Variants in COL25A1 observed in about 807,000 individuals in gnomAD.
COL25A1 encodes collagen alpha-1(XXV) chain.
COL25A1 carries 103 observed loss-of-function variants against 128.4 expected under a neutral mutation model. That is an observed-to-expected ratio of 0.80 (90% CI 0.68 to 0.94). The LOEUF is 0.94. Ranked by LOEUF, COL25A1 falls within the 40% of genes least tolerant of loss-of-function variation. The pLI is 0.00. For missense variants in COL25A1, 745 were observed against 840.0 expected (o/e 0.89, Z 1.40); for synonymous variants, 279 against 277.2 (o/e 1.01, Z -0.06).
chr4:108,913,865 T>G (rs928962784), intron 13 of COL25A1, among the ~76,000 whole-genome samples: 39 of 152,218 alleles, frequency 2.6e-4, no homozygotes, highest in African/African-American at 8.9e-4. Context: ...TAGGAACTAA[T>G]TGACCAATAT....
chr4:109,296,506 A>G (rs1458522788), intron 3 of COL25A1, among the ~76,000 whole-genome samples: 3 of 152,046 alleles, frequency 2.0e-5, no homozygotes, highest in African/African-American at 7.2e-5. Flanking sequence ...TGCCTTGTAC[A>G]TCAACATTTT....
chr4:109,145,067 C>CTTTT (rs11344199), intron 3 of COL25A1, among the ~76,000 whole-genome samples: 1 of 109,160 alleles, frequency 9.2e-6, no homozygotes, highest in Admixed American at 9.6e-5. Flanking sequence ...AAAACCTCAG[C>CTTTT]TTTTTTTTTT....
intron 3 of COL25A1, among the ~76,000 whole-genome samples, chr4:109,292,739 C>T (rs1724593986): frequency 6.6e-6 from 1 of 152,084 alleles, no homozygotes; most frequent in South Asian, 2.1e-4. Flanking sequence ...ACAAAAGTCA[C>T]TGGATCCTTG....
chr4:109,068,671 C>T (rs1481506257), intron 3 of COL25A1, among the ~76,000 whole-genome samples: 1 of 152,144 alleles, frequency 6.6e-6, no homozygotes, highest in African/African-American at 2.4e-5. Flanking sequence ...TCTATCACCA[C>T]TAAATATGTG....
chr4:109,275,233 A>G (rs190674476), intron 3 of COL25A1, among the ~76,000 whole-genome samples: 8 of 152,236 alleles, frequency 5.3e-5, no homozygotes, highest in Non-Finnish European at 4.4e-5. Context: ...TGCTGGGTCT[A>G]TTGTGTATTG....
At position 108,949,013 on chromosome 4, in the gene COL25A1, G is replaced by C. The variant is rs2881015; in HGVS notation, c.493-7576C>G. 2.6e-5 allele frequency among the ~76,000 whole-genome samples: 4 copies of C among 151,932 alleles called. No homozygotes were observed. The South Asian group carries it at 8.3e-4, about 32-fold the overall frequency. On this transcript the variant is annotated intron_variant, in intron 8 of 37. Transcript: ENST00000399132. ...CCCTAATGACATACACCTAAGAAAA[G>C]CCAACAGAAGATGAGACCCCATGAA... is the stretch of plus-strand genomic sequence containing the variant.
chr4:108,983,482 C>T (rs1753247740), intron 6 of COL25A1, among the ~76,000 whole-genome samples: 1 of 152,196 alleles, frequency 6.6e-6, no homozygotes, highest in Non-Finnish European at 1.5e-5. Context: ...ACCCGGGCTA[C>T]TTAAGAAACA....
intron 13 of COL25A1, among the ~76,000 whole-genome samples, chr4:108,917,804 C>T (rs976404364): frequency 3.3e-5 from 5 of 152,192 alleles, no homozygotes; most frequent in Admixed American, 3.3e-4. Context: ...ATTATTAATA[C>T]ATATTAGTTT....
rs140507354 is a variant in COL25A1 at position 108,981,577 on chromosome 4, C to G, written c.439-7018G>C. Among the ~76,000 whole-genome samples, 34 of 152,274 alleles carry G rather than the reference C, an allele frequency of 2.2e-4. 1 individual carries two copies. In the East Asian group the frequency reaches 3.3e-3, roughly 15 times the overall value. ...AAGTGAAAGTAGAATTTGAGAGTTA[C>G]TTTAAAATGCAGTACATGAAATAAC... On this transcript the variant is annotated intron_variant, in intron 6 of 37. Coordinates refer to ENST00000399132, the MANE Select transcript of COL25A1 (RefSeq NM_198721.4).
intron 3 of COL25A1, among the ~76,000 whole-genome samples, chr4:109,174,069 A>G (rs1773841936): frequency 6.6e-6 from 1 of 152,204 alleles, no homozygotes; most frequent in African/African-American, 2.4e-5. Context: ...ATACTGAGAG[A>G]GGTGCTAGCC....
chr4:108,998,962 A>G (rs986288786), intron 6 of COL25A1, among the ~76,000 whole-genome samples: 1 of 152,190 alleles, frequency 6.6e-6, no homozygotes, highest in Non-Finnish European at 1.5e-5. Context: ...ACAAAAATTA[A>G]CTTAAGATGG....
intron 3 of COL25A1, among the ~76,000 whole-genome samples, chr4:109,255,671 G>A (rs1781027381): frequency 2.0e-5 from 3 of 152,086 alleles, no homozygotes; most frequent in Admixed American, 2.0e-4. Flanking sequence ...TTTCCCCTAA[G>A]CCAGAAGAAA....
rs1560806201 is a variant in COL25A1, at chr4:108,886,473, TGTGTGTGTGTGTGTG to T, written c.976-2266_976-2252del. ...GTGTGTGTGTGTGTGTGTGTGTGTG[TGTGTGTGTGTGTGTG>T]TGTGTTTAGCTCATCAGCTATTTTA... On this transcript the variant is annotated intron_variant, in intron 18 of 37. Coordinates refer to ENST00000399132, the MANE Select transcript of COL25A1 (RefSeq NM_198721.4). Among the ~76,000 whole-genome samples the T allele has an allele frequency of 2.3e-3, 297 of 126,602 alleles. 4 individuals are homozygous for T. Among genetic ancestry groups the T allele is most frequent in the African/African-American group, 7.7e-3 (283 of 36,546 alleles). The allele number at this position is 126,602 out of a possible 152,430, so 83.1% of individuals were successfully genotyped here.
chr4:108,818,813 C>T (rs183284314), intron 36 of COL25A1, among the ~76,000 whole-genome samples: 10 of 151,162 alleles, frequency 6.6e-5, no homozygotes, highest in Admixed American at 6.6e-4. Flanking sequence ...GTAGGTTGGG[C>T]CTTATTTATA....
intron 5 of COL25A1, among the ~76,000 whole-genome samples, chr4:109,046,937 G>A (rs980497779): frequency 2.0e-5 from 3 of 152,126 alleles, no homozygotes; most frequent in Admixed American, 1.3e-4. Context: ...CAGATATCCA[G>A]GATATTACTC....
chr4:109,300,265 T>C (rs974939174), intron 3 of COL25A1, among the ~76,000 whole-genome samples: 2 of 152,128 alleles, frequency 1.3e-5, no homozygotes, highest in African/African-American at 2.4e-5. Context: ...CTTTTCACTG[T>C]AGACATTAAG....
chr4:109,101,282 G>A (rs1236102814), intron 3 of COL25A1, among the ~76,000 whole-genome samples: 2 of 152,168 alleles, frequency 1.3e-5, no homozygotes, highest in African/African-American at 2.4e-5. Context: ...AGAAGCTGGG[G>A]AGGAATGCAC....
chr4:109,272,023 G>A lies in COL25A1; in HGVS notation c.367+28560C>T, dbSNP rs545931246. Reference sequence around the variant, plus strand: ...GGAGGCTGAGGCAGGTGGATCACTTGAGCCTAGGAGTTCGAGACCAGCCTG... The same window carrying A: ...GGAGGCTGAGGCAGGTGGATCACTTAAGCCTAGGAGTTCGAGACCAGCCTG... On this transcript the variant is annotated intron_variant, in intron 3 of 37. Transcript: ENST00000399132. Among the ~76,000 whole-genome samples the A allele has an allele frequency of 2.6e-5, 4 of 152,160 alleles. No individual in the cohort carries two copies. The South Asian group carries it at 8.3e-4, about 32-fold the overall frequency.
At chr4:108,904,841 T>C (rs1743271322) in intron 13 of COL25A1, among the ~76,000 whole-genome samples, 1 of 152,096 alleles carries the variant, frequency 6.6e-6, no homozygotes, top group Non-Finnish European at 1.5e-5. Context: ...CATTCCAAAA[T>C]GGCCATTTCC....
Sources: gnomAD v4.1 joint callset for allele counts (sites outside exome capture counted in the v4.1 genomes callset) on GRCh38, gnomAD v4.1.1 for gene constraint, MANE v1.5 for transcripts, NCBI Gene and HGNC (gene_info 2026-07-23, HGNC 2026-07-21) for gene names.